Variants in CTDSPL observed in about 807,000 individuals in gnomAD.
CTDSPL encodes the protein CTD small phosphatase-like protein.
A neutral mutation model predicts 30.5 loss-of-function variants in CTDSPL; 8 were observed. The ratio of observed to expected loss-of-function variants is 0.26; its 90% confidence interval spans 0.15 to 0.47. CTDSPL has a LOEUF of 0.47. Among genes scored for constraint, CTDSPL ranks in the 20% least tolerant of loss-of-function variants. The probability of loss-of-function intolerance (pLI) is 0.99; values close to 1 mark genes in which losing one functional copy is unlikely to be tolerated. For missense variants in CTDSPL, 248 were observed against 366.1 expected (o/e 0.68, Z 2.63); for synonymous variants, 110 against 137.9 (o/e 0.80, Z 1.42).
Position 37,861,953 on chromosome 3 carries a change from T to TCCCGGGCGCGGCTCC in CTDSPL, c.-246_-232dup, listed in dbSNP as rs1250193321. 7.0e-6 allele frequency: 1 copy of TCCCGGGCGCGGCTCC among 142,440 alleles called. No individual in the cohort carries two copies. Among genetic ancestry groups the TCCCGGGCGCGGCTCC allele is most frequent in the Non-Finnish European group, 1.5e-5 (1 of 64,822 alleles). The allele number at this position is 142,440 out of a possible 1,614,324, so 8.8% of individuals were successfully genotyped here. A position where few individuals can be genotyped will look rare whatever the true frequency, so the allele number is the denominator to read the frequency against. On this transcript the variant is annotated 5_prime_UTR_variant, in exon 1 of 8. Transcript: ENST00000273179. ...CGCTCCGCCTCCCCGTGCGCGGCTC[T>TCCCGGGCGCGGCTCC]CCCGGGCGCGGCTCCGGGGTTCATG...
intron 1 of CTDSPL, among the ~76,000 whole-genome samples, chr3:37,879,242 A>G (rs638681): frequency 1.3e-5 from 2 of 152,236 alleles, no homozygotes; most frequent in African/African-American, 4.8e-5. Flanking sequence ...AACAATTTCA[A>G]GACATCACTT....
At chr3:37,954,272 T>G (rs1360552189) in intron 2 of CTDSPL, 1 of 152,252 alleles carries the variant, frequency 6.6e-6, no homozygotes, top group Non-Finnish European at 1.5e-5. Context: ...TTCCTTCTAT[T>G]AACATTTGTC....
At chr3:37,883,609 C>T (rs890268716) in intron 1 of CTDSPL, among the ~76,000 whole-genome samples, 19 of 152,146 alleles carry the variant, frequency 1.2e-4, no homozygotes, top group Admixed American at 4.6e-4. Flanking sequence ...GTTATGCTGG[C>T]CTCAAACAGG....
chr3:37,934,929 AG>A (rs1254437590), intron 1 of CTDSPL, among the ~76,000 whole-genome samples: 3 of 151,982 alleles, frequency 2.0e-5, no homozygotes, highest in African/African-American at 7.3e-5. Context: ...AAGATAGGTA[AG>A]GTCCCTGTAC....
intron 7 of CTDSPL, among the ~76,000 whole-genome samples, chr3:37,976,576 G>A (rs1326785961): frequency 2.0e-5 from 3 of 150,846 alleles, no homozygotes; most frequent in African/African-American, 4.9e-5. Flanking sequence ...AGGTTGCAGT[G>A]AGCTGAGATC....
At chr3:37,917,031 A>G (rs1392239793) in intron 1 of CTDSPL, among the ~76,000 whole-genome samples, 1 of 152,220 alleles carries the variant, frequency 6.6e-6, no homozygotes, top group African/African-American at 2.4e-5. Flanking sequence ...TGTCGTAGGT[A>G]TAAGGAAATT....
chr3:37,914,873 C>CTT (rs11304152), intron 1 of CTDSPL, among the ~76,000 whole-genome samples: 4,442 of 51,242 alleles, frequency 0.087, 477 homozygotes, highest in African/African-American at 0.11. Context: ...TATATATGTT[C>CTT]TTTTTTTTTT....
At chr3:37,871,067 G>T (rs1698066055) in intron 1 of CTDSPL, among the ~76,000 whole-genome samples, 1 of 152,110 alleles carries the variant, frequency 6.6e-6, no homozygotes. Flanking sequence ...GTATTATACA[G>T]AATAATTTCA....
chr3:37,941,689 C>T lies in CTDSPL; in HGVS notation c.80-5368C>T, dbSNP rs185724339. On this transcript the variant is annotated intron_variant, in intron 1 of 7. Coordinates refer to ENST00000273179, the MANE Select transcript of CTDSPL (RefSeq NM_001008392.2). ...CAGGAATGAGCCACCGCATTTGGGC[C>T]GGGCATGTTTTCATTGACAGGGATA... is the stretch of plus-strand genomic sequence containing the variant. Among the ~76,000 whole-genome samples, 21 of 150,252 alleles carry T rather than the reference C, an allele frequency of 1.4e-4. 3 individuals are homozygous for T. The South Asian group carries it at 3.9e-3, about 28-fold the overall frequency.
Position 37,975,826 on chromosome 3 carries a change from C to T in CTDSPL, c.637C>T (p.Arg213Trp). Residue 213 changes from arginine (R) to tryptophan (W), a missense_variant, in exon 7 of 8, where the codon CGG (arginine) becomes TGG (tryptophan). Arg to Trp is a moderately radical substitution (Grantham distance 101). Around this residue, in one of 4 missense-constraint regions of CTDSPL, gnomAD observed 84 missense variants for 139.4 expected, o/e 0.60. Coordinates refer to ENST00000273179, the MANE Select transcript of CTDSPL (RefSeq NM_001008392.2). This position sits in a 1 kb window ranked among gnomAD's most constrained non-coding sequence, Gnocchi z 4.9. ...CGTGAAGGACCTGAGTCGCCTTGGGCGGGAGCTGAGCAAAGTGATCATTGT... is the reference window on the plus strand; with the variant it reads ...CGTGAAGGACCTGAGTCGCCTTGGGTGGGAGCTGAGCAAAGTGATCATTGT... ...NYVKDLSRLG[R>W]ELSKVIIVDN... 2 of 1,614,128 alleles carry T rather than the reference C, an allele frequency of 1.2e-6. No individual in the cohort carries two copies. The highest frequency in any genetic ancestry group is 1.7e-6 in the Non-Finnish European group (2 of 1,180,024).
At position 37,929,932 on chromosome 3, in the gene CTDSPL, A is replaced by G. The variant is rs768853300; in HGVS notation, c.80-17125A>G. Among the ~76,000 whole-genome samples the G allele has an allele frequency of 4.9e-4, 75 of 151,986 alleles. 2 individuals are homozygous for G. The highest frequency in any genetic ancestry group is 1.8e-4 in the Non-Finnish European group (12 of 67,988). ...AGACTAGCCTGACCAACATGATGAAACCCTGTCTCAACTAAAAATACAAAA... is the reference window on the plus strand; with the variant it reads ...AGACTAGCCTGACCAACATGATGAAGCCCTGTCTCAACTAAAAATACAAAA... On this transcript the variant is annotated intron_variant, in intron 1 of 7. Transcript: ENST00000273179.
chr3:37,923,328 CT>C, intron 1 of CTDSPL, among the ~76,000 whole-genome samples: 1 of 152,274 alleles, frequency 6.6e-6, no homozygotes, highest in African/African-American at 2.4e-5. Context: ...TTGAGCTCTT[CT>C]TTTGGGAAAC....
chr3:37,977,550 A>C (rs960696621), intron 7 of CTDSPL, among the ~76,000 whole-genome samples: 8 of 150,876 alleles, frequency 5.3e-5, no homozygotes, highest in Non-Finnish European at 1.0e-4. Context: ...AAGTAATTAG[A>C]GCTCTACTGC....
At chr3:37,935,149 AT>A (rs1375952780) in intron 1 of CTDSPL, among the ~76,000 whole-genome samples, 1 of 152,138 alleles carries the variant, frequency 6.6e-6, no homozygotes, top group African/African-American at 2.4e-5. Context: ...TCTGTTGGAC[AT>A]TCATATTGTT....
At position 37,982,623 on chromosome 3, in the gene CTDSPL, G is replaced by C. The variant is rs747103604; in HGVS notation, c.*1756G>C. Reference sequence around the variant, plus strand: ...ACAGCACTTTGGTCTGTGGACTGCTGTGTGAATATTCAGAAGGGAAGTAAG... The same window carrying C: ...ACAGCACTTTGGTCTGTGGACTGCTCTGTGAATATTCAGAAGGGAAGTAAG... On this transcript the variant is annotated 3_prime_UTR_variant, in exon 8 of 8. Transcript: ENST00000273179. The C allele has an allele frequency of 1.1e-5, 5 of 456,746 alleles. No homozygotes were observed. The highest frequency in any genetic ancestry group is 7.7e-5 in the South Asian group (5 of 64,572). 28.3% of individuals were successfully genotyped at this position (456,746 alleles called of 1,614,324 possible). A position where few individuals can be genotyped will look rare whatever the true frequency, so the allele number is the denominator to read the frequency against.
chr3:37,902,614 C>T (rs1382892235), intron 1 of CTDSPL, among the ~76,000 whole-genome samples: 2 of 152,196 alleles, frequency 1.3e-5, no homozygotes, highest in Admixed American at 6.5e-5. Flanking sequence ...GCTTCTTCCT[C>T]TTGTTTCTCC....
intron 1 of CTDSPL, among the ~76,000 whole-genome samples, chr3:37,879,229 G>A (rs1268505518): frequency 2.0e-5 from 3 of 152,204 alleles, no homozygotes; most frequent in Admixed American, 2.0e-4. Context: ...AATTCTGATG[G>A]CCAACAATTT....
intron 1 of CTDSPL, among the ~76,000 whole-genome samples, chr3:37,920,758 C>T (rs1465446685): frequency 1.3e-5 from 2 of 152,240 alleles, no homozygotes; most frequent in Non-Finnish European, 2.9e-5. Flanking sequence ...CATAGTAGTG[C>T]TTTCAGTAGC....
In CTDSPL at chr3:37,880,015, G is replaced by A. The variant is rs189267003; in HGVS notation, c.79+17737G>A. Among the ~76,000 whole-genome samples, 232 of 151,128 alleles carry A rather than the reference G, an allele frequency of 1.5e-3. 1 individual carries two copies. Among genetic ancestry groups the A allele is most frequent in the Middle Eastern group, 7.0e-3 (2 of 284 alleles). On this transcript the variant is annotated intron_variant, in intron 1 of 7. Coordinates refer to ENST00000273179, the MANE Select transcript of CTDSPL (RefSeq NM_001008392.2). Reference sequence around the variant, plus strand: ...ATGCATGTGTGAATAAGACCTTGCCGTTGTATTTGAGGTATTTAAGCACAG... The same window carrying A: ...ATGCATGTGTGAATAAGACCTTGCCATTGTATTTGAGGTATTTAAGCACAG...
Sources: allele counts gnomAD v4.1 joint callset (sites outside exome capture counted in the v4.1 genomes callset), GRCh38; gene constraint gnomAD v4.1.1; regional missense constraint gnomAD v4.1.1; non-coding constraint Gnocchi (gnomAD v3.1); transcripts MANE v1.5; gene names NCBI Gene and HGNC (gene_info 2026-07-23, HGNC 2026-07-21).